The following ZNF562 variants were observed in gnomAD, a reference collection of about 807,000 sequenced individuals.
ZNF562 encodes the protein zinc finger protein 562.
A neutral mutation model predicts 17.5 loss-of-function variants in ZNF562; 13 were observed. That is an observed-to-expected ratio of 0.74 (90% CI 0.48 to 1.18). The LOEUF (loss-of-function observed/expected upper bound fraction) is 1.18, where lower values mean the gene tolerates loss of function less well. ZNF562 is among the 50% of genes most tolerant of loss of function. The probability of loss-of-function intolerance (pLI) is 0.00; values close to 1 mark genes in which losing one functional copy is unlikely to be tolerated. For missense variants in ZNF562, 481 were observed against 498.5 expected (o/e 0.96, Z 0.33); for synonymous variants, 163 against 165.4 (o/e 0.99, Z 0.11).
In ZNF562 at chr19:9,654,431, G is replaced by C. The variant is rs140210428; in HGVS notation, c.349-550C>G. 1.2e-4 allele frequency among the ~76,000 whole-genome samples: 18 copies of C among 152,190 alleles called. No individual in the cohort carries two copies. The East Asian group carries it at 3.3e-3, about 28-fold the overall frequency. ...GCTAAAAGCTGTGTAGCTAGGACTAGAGGCATGCATCATCCAATTTTTTGA... is the reference window on the plus strand; with the variant it reads ...GCTAAAAGCTGTGTAGCTAGGACTACAGGCATGCATCATCCAATTTTTTGA... On this transcript the variant is annotated intron_variant, in intron 5 of 5. Coordinates refer to ENST00000453372, the MANE Select transcript of ZNF562 (RefSeq NM_001130031.2).
Position 9,649,302 on chromosome 19 carries a change from T to C in ZNF562, c.*3647A>G, listed in dbSNP as rs2144946911. The C allele has an allele frequency of 6.6e-6, 1 of 152,256 alleles. No individual in the cohort carries two copies. The highest frequency in any genetic ancestry group is 1.5e-5 in the Non-Finnish European group (1 of 68,010). The allele number at this position is 152,256 out of a possible 1,614,324, so 9.4% of individuals were successfully genotyped here. ...TAATAATTGCATTAACTGCACAAATTATACAGCATGTGTGTTTGAGCAATA... is the reference window on the plus strand; with the variant it reads ...TAATAATTGCATTAACTGCACAAATCATACAGCATGTGTGTTTGAGCAATA... On this transcript the variant is annotated 3_prime_UTR_variant, in exon 6 of 6. Coordinates refer to ENST00000453372, the MANE Select transcript of ZNF562 (RefSeq NM_001130031.2).
chr19:9,674,723 G>A (rs993281176), intron 1 of ZNF562: 2 of 152,170 alleles, frequency 1.3e-5, no homozygotes, highest in African/African-American at 2.4e-5. Flanking sequence ...TTTTCCTTTC[G>A]GAAAGAAAAA....
chr19:9,670,555 T>C (rs931373251), intron 1 of ZNF562, among the ~76,000 whole-genome samples: 1 of 152,120 alleles, frequency 6.6e-6, no homozygotes, highest in African/African-American at 2.4e-5. Context: ...GAGGTCATCA[T>C]GGAAGTGAAA....
rs1315766393 is a variant in ZNF562, at chr19:9,644,046, G to C, written c.*8903C>G. On this transcript the variant is annotated 3_prime_UTR_variant, in exon 6 of 6. Coordinates refer to ENST00000453372, the MANE Select transcript of ZNF562 (RefSeq NM_001130031.2). ...CTGACCTTGTGATCCACCTGCCTCAGCCTCCCAAAGTGCTGGGATTACAGG... is the reference window on the plus strand; with the variant it reads ...CTGACCTTGTGATCCACCTGCCTCACCCTCCCAAAGTGCTGGGATTACAGG... 6.6e-6 allele frequency: 1 copy of C among 152,022 alleles called. No individual in the cohort carries two copies. Among genetic ancestry groups the C allele is most frequent in the Non-Finnish European group, 1.5e-5 (1 of 68,030 alleles). The allele number at this position is 152,022 out of a possible 1,614,324, so 9.4% of individuals were successfully genotyped here. A position where few individuals can be genotyped will look rare whatever the true frequency, so the allele number is the denominator to read the frequency against.
intron 2 of ZNF562, among the ~76,000 whole-genome samples, 154 bp from the exon 3 acceptor site, chr19:9,659,621 G>C (rs1239090815): frequency 6.6e-6 from 1 of 152,018 alleles, no homozygotes; most frequent in Non-Finnish European, 1.5e-5. Flanking sequence ...TAGTAGTCCT[G>C]TATCACCTAG....
rs1158480639 is a variant in ZNF562, at chr19:9,651,852, C to G, written c.*1097G>C. ...TGAAGGCTGTGAGCCCCGATTCCCA[C>G]TCTGCACTATATTTCTGTGTCTTTG... On this transcript the variant is annotated 3_prime_UTR_variant, in exon 6 of 6. Coordinates refer to ENST00000453372, the MANE Select transcript of ZNF562 (RefSeq NM_001130031.2). The G allele has an allele frequency of 1.3e-5, 2 of 152,244 alleles. No individual in the cohort carries two copies. Among genetic ancestry groups the G allele is most frequent in the African/African-American group, 4.8e-5 (2 of 41,468 alleles). The allele number at this position is 152,244 out of a possible 1,614,324, so 9.4% of individuals were successfully genotyped here. A position where few individuals can be genotyped will look rare whatever the true frequency, so the allele number is the denominator to read the frequency against.
Position 9,653,554 on chromosome 19 carries a change from G to T in ZNF562, c.676C>A (p.His226Asn), listed in dbSNP as rs779643446. The change falls in exon 6 of 6, where the codon CAC (histidine) becomes AAC (asparagine). Residue 226 changes from histidine to asparagine, a missense_variant. His to Asn is a moderately conservative substitution (Grantham distance 68). This residue lies in a region of ZNF562 where 403 missense variants were observed against 386.4 expected (regional missense o/e 1.04). Coordinates refer to ENST00000453372, the MANE Select transcript of ZNF562 (RefSeq NM_001130031.2). ...FASLDNHMGIHIGEKLCEFQE... is the reference protein window; with the variant it reads ...FASLDNHMGINIGEKLCEFQE... ...AATTCACAGAGTTTCTCTCCAATGT[G>T]GATTCCCATGTGATTATCAAGGCTT... 6.2e-7 allele frequency: 1 copy of T among 1,614,128 alleles called. No homozygotes were observed. The highest frequency in any genetic ancestry group is 8.5e-7 in the Non-Finnish European group (1 of 1,180,014).
chr19:9,668,010 A>G (rs2044017428), intron 1 of ZNF562, among the ~76,000 whole-genome samples: 2 of 152,222 alleles, frequency 1.3e-5, no homozygotes. Context: ...AGTTGCATTT[A>G]TATACGCCAA....
chr19:9,670,478 A>G (rs1345114620), intron 1 of ZNF562, among the ~76,000 whole-genome samples: 1 of 151,498 alleles, frequency 6.6e-6, no homozygotes, highest in African/African-American at 2.4e-5. Flanking sequence ...GTATATATAG[A>G]CAGCAGATTA....
chr19:9,654,387 G>T (rs920690543), intron 5 of ZNF562, among the ~76,000 whole-genome samples: 1 of 152,070 alleles, frequency 6.6e-6, no homozygotes, highest in African/African-American at 2.4e-5. Flanking sequence ...CGCCTGGCTG[G>T]GTTCAAGTGA....
chr19:9,670,327 T>A (rs1391370046), intron 1 of ZNF562, among the ~76,000 whole-genome samples: 1 of 152,074 alleles, frequency 6.6e-6, no homozygotes, highest in Non-Finnish European at 1.5e-5. Flanking sequence ...TCCCATTGGG[T>A]ATATATCCAA....
At position 9,649,595 on chromosome 19, in the gene ZNF562, G is replaced by C. The variant is rs905240247; in HGVS notation, c.*3354C>G. 6.6e-6 allele frequency: 1 copy of C among 152,130 alleles called. No individual in the cohort carries two copies. The highest frequency in any genetic ancestry group is 2.4e-5 in the African/African-American group (1 of 41,414). 9.4% of individuals were successfully genotyped at this position (152,130 alleles called of 1,614,324 possible). On this transcript the variant is annotated 3_prime_UTR_variant, in exon 6 of 6. Transcript: ENST00000453372. ...TGGTCGAGACTGCAGGGGTGAAATA[G>C]ACCCCAGTCTCCCATAGCACTCCCA...
At chr19:9,657,855 AT>A (rs1262227080) in intron 4 of ZNF562, among the ~76,000 whole-genome samples, 153 bp downstream of exon 4, 2 of 151,622 alleles carry the variant, frequency 1.3e-5, no homozygotes, top group East Asian at 3.9e-4. Flanking sequence ...CCTAGTCTTT[AT>A]TCTTAGGATT....
Position 9,648,535 on chromosome 19 carries a change from T to G in ZNF562, c.*4414A>C, listed in dbSNP as rs1417771554. The G allele has an allele frequency of 6.6e-6, 1 of 152,136 alleles. No homozygotes were observed. Among genetic ancestry groups the G allele is most frequent in the Non-Finnish European group, 1.5e-5 (1 of 68,040 alleles). 9.4% of individuals were successfully genotyped at this position (152,136 alleles called of 1,614,324 possible). A position where few individuals can be genotyped will look rare whatever the true frequency, so the allele number is the denominator to read the frequency against. On this transcript the variant is annotated 3_prime_UTR_variant, in exon 6 of 6. Transcript: ENST00000453372. ...CTGGGCTGGTCTCGAACTCTTGACC[T>G]CAAATGATCTGCCCACCCCCACCTC... is the stretch of plus-strand genomic sequence containing the variant.
At chr19:9,654,035 G>A (rs147496516) in intron 5 of ZNF562, among the ~76,000 whole-genome samples, 154 bp from the exon 6 acceptor site, 33 of 145,680 alleles carry the variant, frequency 2.3e-4, no homozygotes, top group African/African-American at 8.7e-4. Flanking sequence ...CTATCTCCCA[G>A]TCTACAGTGC....
Position 9,653,819 on chromosome 19 carries a change from C to T in ZNF562, c.411G>A (p.Gln137=), listed in dbSNP as rs769976168. 2 of 1,612,478 alleles carry T rather than the reference C, an allele frequency of 1.2e-6. No individual in the cohort carries two copies. The highest frequency in any genetic ancestry group is 1.7e-6 in the Non-Finnish European group (2 of 1,179,324). Residue 137 remains glutamine (Q), a synonymous_variant, in exon 6 of 6, where the codon CAG becomes CAA. Coordinates refer to ENST00000453372, the MANE Select transcript of ZNF562 (RefSeq NM_001130031.2). ...CENCGEVFSE[Q]FCLKTHMRAQ... Reference sequence around the variant, plus strand: ...CTCTCATGTGTGTCTTAAGGCAAAACTGTTCACTGAAGACCTCTCCACAAT... The same window carrying T: ...CTCTCATGTGTGTCTTAAGGCAAAATTGTTCACTGAAGACCTCTCCACAAT...
intron 1 of ZNF562, among the ~76,000 whole-genome samples, chr19:9,673,260 C>T (rs928336084): frequency 6.6e-6 from 1 of 152,150 alleles, no homozygotes; most frequent in South Asian, 2.1e-4. Context: ...AGGGACCCAG[C>T]GTTAGAAATA....
Position 9,642,625 on chromosome 19 carries a change from G to A in ZNF562, c.*10324C>T, listed in dbSNP as rs2074779917. 1 of 151,878 alleles carries A rather than the reference G, an allele frequency of 6.6e-6. No individual in the cohort carries two copies. Among genetic ancestry groups the A allele is most frequent in the Non-Finnish European group, 1.5e-5 (1 of 67,984 alleles). The allele number at this position is 151,878 out of a possible 1,614,324, so 9.4% of individuals were successfully genotyped here. ...TTTTTAAAAAATCAACAAAGATAGA[G>A]GGAAAACCCAAAATGGAATACGAAC... On this transcript the variant is annotated 3_prime_UTR_variant, in exon 6 of 6. Coordinates refer to ENST00000453372, the MANE Select transcript of ZNF562 (RefSeq NM_001130031.2).
Position 9,642,082 on chromosome 19 carries a change from G to A in ZNF562, c.*10867C>T, listed in dbSNP as rs2074775585. 1.3e-5 allele frequency: 2 copies of A among 151,556 alleles called. No individual in the cohort carries two copies. The highest frequency in any genetic ancestry group is 2.1e-4 in the South Asian group (1 of 4,798). 9.4% of individuals were successfully genotyped at this position (151,556 alleles called of 1,614,324 possible). On this transcript the variant is annotated 3_prime_UTR_variant, in exon 6 of 6. Coordinates refer to ENST00000453372, the MANE Select transcript of ZNF562 (RefSeq NM_001130031.2). ...AAAGTACATTTACAAGGAGAGGAAA[G>A]GTGTACTGTCACAAGGGCCAATGGC...
Sources: allele counts gnomAD v4.1 joint callset (sites outside exome capture counted in the v4.1 genomes callset), GRCh38; gene constraint gnomAD v4.1.1; regional missense constraint gnomAD v4.1.1; transcripts MANE v1.5; gene names NCBI Gene and HGNC (gene_info 2026-07-23, HGNC 2026-07-21).